NEK11: variants seen among roughly 807,000 people sequenced by gnomAD.
The protein encoded by NEK11 is serine/threonine-protein kinase Nek11.
A neutral mutation model predicts 80.7 loss-of-function variants in NEK11; 72 were observed. That is an observed-to-expected ratio of 0.89 (90% confidence interval 0.74 to 1.08). The LOEUF is 1.08. Ranked by LOEUF, NEK11 falls within the 50% of genes least tolerant of loss-of-function variation. NEK11 has a pLI of 0.00. For missense variants in NEK11, 764 were observed against 763.6 expected, an observed-to-expected ratio of 1.00 and a Z score of -0.01; for synonymous variants, 251 against 260.7, an observed-to-expected ratio of 0.96 and a Z score of 0.36.
intron 4 of NEK11, among the ~76,000 whole-genome samples, chr3:131,104,863 G>A (rs570054589): frequency 1.8e-4 from 27 of 152,296 alleles, no homozygotes; most frequent in Admixed American, 4.6e-4. Context: ...GATTACAAAG[G>A]TCATGCAGAC....
intron 14 of NEK11, among the ~76,000 whole-genome samples, chr3:131,204,300 A>G (rs1197025978): frequency 6.6e-6 from 1 of 152,146 alleles, no homozygotes; most frequent in Non-Finnish European, 1.5e-5. Context: ...TATCCTGTAT[A>G]ATAAACCAGT....
chr3:131,171,801 G>T (rs1216578579), intron 14 of NEK11, among the ~76,000 whole-genome samples: 1 of 152,134 alleles, frequency 6.6e-6, no homozygotes, highest in Admixed American at 6.5e-5. Flanking sequence ...AGTCTCCCCA[G>T]TGCCTAGAGC....
intron 3 of NEK11, among the ~76,000 whole-genome samples, chr3:131,073,536 G>A (rs993666318): frequency 8.5e-5 from 13 of 152,060 alleles, no homozygotes; most frequent in African/African-American, 2.9e-4. Flanking sequence ...ATACTCATAT[G>A]CTGCTAAAAT....
chr3:131,067,282 C>CG (rs1425009385), intron 3 of NEK11, among the ~76,000 whole-genome samples: 1 of 152,148 alleles, frequency 6.6e-6, no homozygotes, highest in African/African-American at 2.4e-5. Flanking sequence ...GCCCCATACA[C>CG]GTGCACTGAA....
intron 16 of NEK11, among the ~76,000 whole-genome samples, chr3:131,244,000 A>T (rs145827261): frequency 2.7e-5 from 4 of 149,130 alleles, no homozygotes; most frequent in Admixed American, 2.7e-4. Context: ...AGTTTCTTCT[A>T]TTTTTTTTTT....
intron 14 of NEK11, among the ~76,000 whole-genome samples, chr3:131,203,812 TATATATATA>T (rs2094354749): frequency 8.8e-6 from 1 of 113,522 alleles, no homozygotes; most frequent in Non-Finnish European, 1.9e-5. Context: ...TATATATATA[TATATATATA>T]TATATAAAGT....
chr3:131,273,696 A>G (rs966509513), intron 17 of NEK11, 122 bp downstream of exon 17: 1 of 684,484 alleles, frequency 1.5e-6, no homozygotes. Context: ...AATACCTGGG[A>G]CTAAGCTGTT....
At chr3:131,085,165 A>T (rs1362623459) in intron 4 of NEK11, among the ~76,000 whole-genome samples, 1 of 152,172 alleles carries the variant, frequency 6.6e-6, no homozygotes, top group Admixed American at 6.5e-5. Flanking sequence ...CTTTCCATAT[A>T]TGTCTCCTCT....
intron 5 of NEK11, among the ~76,000 whole-genome samples, chr3:131,120,230 A>G (rs558900600): frequency 1.1e-3 from 163 of 152,252 alleles, no homozygotes; most frequent in Non-Finnish European, 1.8e-3. Flanking sequence ...TTTCTGCCTC[A>G]TTTATGAAGC....
rs557544013 is a variant in NEK11, at chr3:131,112,916, A to G, written c.455+2995A>G. Among the ~76,000 whole-genome samples, 175 of 152,318 alleles carry G rather than the reference A, an allele frequency of 1.1e-3. 3 individuals are homozygous for G. Among genetic ancestry groups the G allele is most frequent in the Non-Finnish European group, 2.6e-4 (18 of 68,038 alleles). ...TGGAGCATAGACATTGAACTCCACA[A>G]GAGCTTTTTGAGTGGAGTTATATAA... On this transcript the variant is annotated intron_variant, in intron 5 of 17. Transcript: ENST00000383366.
chr3:131,324,583 A>T (rs1032242854), intron 17 of NEK11, among the ~76,000 whole-genome samples: 1 of 152,250 alleles, frequency 6.6e-6, no homozygotes, highest in Non-Finnish European at 1.5e-5. Flanking sequence ...AATGAAAAAA[A>T]GTGTGGCTTG....
At chr3:131,268,713 G>C (rs147448733) in intron 16 of NEK11, among the ~76,000 whole-genome samples, 1,822 of 152,326 alleles carry the variant, frequency 0.012, 40 homozygotes, top group African/African-American at 0.042. Flanking sequence ...AACCCCTGCT[G>C]GGAGGTGTCT....
intron 5 of NEK11, among the ~76,000 whole-genome samples, chr3:131,110,484 C>A (rs566123328): frequency 2.0e-5 from 3 of 152,252 alleles, no homozygotes; most frequent in African/African-American, 7.2e-5. Context: ...CTGTGATTTA[C>A]ATTTACAATC....
intron 14 of NEK11, among the ~76,000 whole-genome samples, chr3:131,173,341 C>T (rs2092805195): frequency 6.6e-6 from 1 of 152,046 alleles, no homozygotes; most frequent in South Asian, 2.1e-4. Context: ...TATGTAGCTC[C>T]CAATACCTGT....
At chr3:131,130,641 T>G (rs2084257851) in intron 5 of NEK11, among the ~76,000 whole-genome samples, 1 of 152,180 alleles carries the variant, frequency 6.6e-6, no homozygotes, top group Non-Finnish European at 1.5e-5. Flanking sequence ...TTTTGTCAAT[T>G]GCTTTTTCTG....
intron 10 of NEK11, among the ~76,000 whole-genome samples, chr3:131,159,507 T>G (rs2091238914): frequency 6.6e-6 from 1 of 152,356 alleles, no homozygotes; most frequent in South Asian, 2.1e-4. Flanking sequence ...GGCTCATGCC[T>G]ATAATCCCAG....
chr3:131,316,557 T>G (rs2096842249), intron 17 of NEK11, among the ~76,000 whole-genome samples: 1 of 152,262 alleles, frequency 6.6e-6, no homozygotes, highest in African/African-American at 2.4e-5. Context: ...ATATATGCAT[T>G]AACTAGTTTT....
rs577868898 is a variant in NEK11, at chr3:131,074,719, T to C, written c.171-5704T>C. Among the ~76,000 whole-genome samples, 11 of 152,298 alleles carry C rather than the reference T, an allele frequency of 7.2e-5. No homozygotes were observed. The East Asian group carries it at 1.4e-3, about 19-fold the overall frequency. On this transcript the variant is annotated intron_variant, in intron 3 of 17. Coordinates refer to ENST00000383366, the MANE Select transcript of NEK11 (RefSeq NM_024800.5). ...CAGGGAAAAGGCAATGCAGCAAGTA[T>C]AAAGCGGTTTGCATTTGCAAAAGTG...
intron 12 of NEK11, among the ~76,000 whole-genome samples, chr3:131,168,147 C>G (rs976734042): frequency 6.6e-6 from 1 of 152,182 alleles, no homozygotes; most frequent in African/African-American, 2.4e-5. Flanking sequence ...GTCAGCATCC[C>G]ATCTCTCTTT....
Sources: gnomAD v4.1 joint callset for allele counts (sites outside exome capture counted in the v4.1 genomes callset) on GRCh38, gnomAD v4.1.1 for gene constraint, MANE v1.5 for transcripts, NCBI Gene and HGNC (gene_info 2026-07-23, HGNC 2026-07-21) for gene names.